The following ULK4 variants were observed in gnomAD, a reference collection of about 807,000 sequenced individuals.
The protein encoded by ULK4 is unc-51 like kinase 4.
In ULK4, 133 loss-of-function variants were observed where a neutral mutation model predicts 160.6. The observed-to-expected ratio is 0.83, with a 90% CI of 0.72 to 0.96. ULK4 has a LOEUF of 0.96. Among genes scored for constraint, ULK4 ranks in the 40% least tolerant of loss-of-function variants. The probability of loss-of-function intolerance (pLI) is 0.00; values close to 1 mark genes in which losing one functional copy is unlikely to be tolerated. For synonymous variants in ULK4, 534 were observed against 539.8 expected (o/e 0.99, Z 0.15); for missense variants, 1,580 against 1,499.5 (o/e 1.05, Z -0.89).
At position 41,856,547 on chromosome 3, in the gene ULK4, A is replaced by ATG. The variant is rs1329901726; in HGVS notation, c.1657-20578_1657-20577dup. On this transcript the variant is annotated intron_variant, in intron 17 of 36. Transcript: ENST00000301831. ...TATATATATATGTATGTATATATAT[A>ATG]TGTGTATATATATACACATATATAT... Among the ~76,000 whole-genome samples, 30 of 76,128 alleles carry ATG rather than the reference A, an allele frequency of 3.9e-4. 1 individual carries two copies. Among genetic ancestry groups the ATG allele is most frequent in the African/African-American group, 2.1e-3 (28 of 13,646 alleles). 49.9% of individuals were successfully genotyped at this position (76,128 alleles called of 152,430 possible). A position where few individuals can be genotyped will look rare whatever the true frequency, so the allele number is the denominator to read the frequency against.
At chr3:41,364,292 T>C (rs1324733626) in intron 35 of ULK4, among the ~76,000 whole-genome samples, 2 of 152,112 alleles carry the variant, frequency 1.3e-5, no homozygotes, top group Non-Finnish European at 2.9e-5. Context: ...AAGGGCTCAC[T>C]CAATACTCCC....
At position 41,837,714 on chromosome 3, in the gene ULK4, C is replaced by T. The variant is rs574182470; in HGVS notation, c.1657-1743G>A. 2.1e-4 allele frequency among the ~76,000 whole-genome samples: 32 copies of T among 152,258 alleles called. No homozygotes were observed. In the South Asian group the frequency reaches 6.2e-3, roughly 30 times the overall value. ...TAGTTGGGATTACAGGTACACACCA[C>T]CATGGCCAGCTGATTTTTGTATTTT... On this transcript the variant is annotated intron_variant, in intron 17 of 36. Transcript: ENST00000301831.
chr3:41,706,849 ATG>A (rs749756575), intron 25 of ULK4, among the ~76,000 whole-genome samples: 6,750 of 102,158 alleles, frequency 0.066, 217 homozygotes, highest in African/African-American at 0.08. Flanking sequence ...AAAAAAAAAT[ATG>A]TGTGTGTGTG....
chr3:41,761,910 T>C (rs2038996360), intron 21 of ULK4, among the ~76,000 whole-genome samples: 1 of 151,946 alleles, frequency 6.6e-6, no homozygotes, highest in Admixed American at 6.6e-5. Flanking sequence ...ACCTCTTCTC[T>C]ACTTAAAAAT....
intron 30 of ULK4, among the ~76,000 whole-genome samples, chr3:41,653,552 C>T (rs1356182073): frequency 2.0e-5 from 3 of 152,192 alleles, no homozygotes; most frequent in Admixed American, 2.0e-4. Flanking sequence ...TCCAAAGTTC[C>T]ATCTAGCTCT....
At chr3:41,771,697 A>G (rs1362824269) in intron 21 of ULK4, among the ~76,000 whole-genome samples, 2 of 152,182 alleles carry the variant, frequency 1.3e-5, no homozygotes, top group African/African-American at 4.8e-5. Flanking sequence ...AACCCCTCAA[A>G]GAAAAAACGA....
intron 31 of ULK4, among the ~76,000 whole-genome samples, chr3:41,609,677 T>C (rs1375593886): frequency 6.6e-6 from 1 of 152,210 alleles, no homozygotes; most frequent in African/African-American, 2.4e-5. Flanking sequence ...ATTTTAATCA[T>C]ATCTTGTTCT....
rs115491490 is a variant in ULK4, at chr3:41,536,215, A to G, written c.3226+29810T>C. 2.7e-3 allele frequency among the ~76,000 whole-genome samples: 415 copies of G among 152,180 alleles called. 4 individuals are homozygous for G. Among genetic ancestry groups the G allele is most frequent in the African/African-American group, 9.5e-3 (396 of 41,504 alleles). ...CAGTCTATCTGAAACTGCCTCTCTTAGTGCTTTGTATCCTCTGCAGGATAC... is the reference window on the plus strand; with the variant it reads ...CAGTCTATCTGAAACTGCCTCTCTTGGTGCTTTGTATCCTCTGCAGGATAC... On this transcript the variant is annotated intron_variant, in intron 32 of 36. Transcript: ENST00000301831.
intron 32 of ULK4, among the ~76,000 whole-genome samples, chr3:41,533,861 G>GC (rs1185238545): frequency 6.6e-6 from 1 of 152,248 alleles, no homozygotes; most frequent in East Asian, 1.9e-4. Context: ...AGGCCGGACT[G>GC]CAGTGGCGCG....
At chr3:41,864,931 A>G (rs2042584298) in intron 17 of ULK4, among the ~76,000 whole-genome samples, 1 of 151,828 alleles carries the variant, frequency 6.6e-6, no homozygotes, top group South Asian at 2.1e-4. Context: ...AATCTTTTCC[A>G]TTAGCCCTTA....
rs899241074 is a variant in ULK4, at chr3:41,804,802, G to A, written c.1849-4509C>T. ...AAGATCAGATCGTTGTAGATATGTGGCATTATTTCTGAGGGCTCTGTTCTA... is the reference window on the plus strand; with the variant it reads ...AAGATCAGATCGTTGTAGATATGTGACATTATTTCTGAGGGCTCTGTTCTA... On this transcript the variant is annotated intron_variant, in intron 19 of 36. Transcript: ENST00000301831. Among the ~76,000 whole-genome samples the A allele has an allele frequency of 3.9e-3, 600 of 152,208 alleles. 3 individuals carry two copies. The highest frequency in any genetic ancestry group is 0.014 in the African/African-American group (567 of 41,516).
At chr3:41,543,325 C>G (rs1374058040) in intron 32 of ULK4, among the ~76,000 whole-genome samples, 11 of 151,916 alleles carry the variant, frequency 7.2e-5, no homozygotes, top group Admixed American at 7.2e-4. Context: ...GGATATGTAC[C>G]CAAGGAGCCT....
chr3:41,786,702 T>C (rs1327253249), intron 21 of ULK4, among the ~76,000 whole-genome samples: 1 of 152,082 alleles, frequency 6.6e-6, no homozygotes, highest in African/African-American at 2.4e-5. Flanking sequence ...AAATTCATTG[T>C]ACATTATTGA....
intron 22 of ULK4, 51 bp from the exon 23 acceptor site, chr3:41,717,912 G>GCTCCCGTCTCCCTCTCCCTCTCC: frequency 1.3e-6 from 2 of 1,563,678 alleles, no homozygotes; most frequent in Non-Finnish European, 1.7e-6. Context: ...ACACTTGATA[G>GCTCCCGTCTCCCTCTCCCTCTCC]CATCTATCCA....
In ULK4 at chr3:41,899,709, T is replaced by C. The variant is rs1158510897; in HGVS notation, c.1287+1016A>G. On this transcript the variant is annotated intron_variant, in intron 13 of 36. Transcript: ENST00000301831. ...AATGTGGCCCAGGGAAGCCAAAAGA[T>C]TGGACACCCCTGGTAAAGATAACAC... 3.9e-5 allele frequency among the ~76,000 whole-genome samples: 6 copies of C among 152,300 alleles called. No homozygotes were observed. In the East Asian group the frequency reaches 7.7e-4, roughly 20 times the overall value.
chr3:41,428,034 C>A (rs930220652), intron 34 of ULK4, among the ~76,000 whole-genome samples: 3 of 152,124 alleles, frequency 2.0e-5, no homozygotes, highest in Admixed American at 6.6e-5. Flanking sequence ...ATCATCTCAG[C>A]CCAAAAGTTT....
At chr3:41,897,170 A>G (rs980934959) in intron 14 of ULK4, among the ~76,000 whole-genome samples, 167 bp from the exon 15 acceptor site, 1 of 152,234 alleles carries the variant, frequency 6.6e-6, no homozygotes, top group African/African-American at 2.4e-5. Flanking sequence ...TCGTCCTTCT[A>G]TATTCCTAAT....
chr3:41,567,316 C>CAA (rs886346037), intron 31 of ULK4, among the ~76,000 whole-genome samples: 1 of 151,824 alleles, frequency 6.6e-6, no homozygotes, highest in Non-Finnish European at 1.5e-5. Flanking sequence ...TAGAAGATAG[C>CAA]AAGTACTCTG....
At chr3:41,766,309 G>A (rs2039161561) in intron 21 of ULK4, among the ~76,000 whole-genome samples, 1 of 152,138 alleles carries the variant, frequency 6.6e-6, no homozygotes, top group Non-Finnish European at 1.5e-5. Context: ...TGTGATGAGG[G>A]AAGGAAAAAT....
Sources: gnomAD v4.1 joint callset for allele counts (sites outside exome capture counted in the v4.1 genomes callset) on GRCh38, gnomAD v4.1.1 for gene constraint, MANE v1.5 for transcripts, NCBI Gene and HGNC (gene_info 2026-07-23, HGNC 2026-07-21) for gene names.